Variants in DHRS13 observed in about 807,000 individuals in gnomAD.
DHRS13 encodes the protein dehydrogenase/reductase 13, also known as dehydrogenase/reductase SDR family member 13.
Under a neutral mutation model 17.9 loss-of-function variants are expected in DHRS13, and 22 were observed. The observed-to-expected ratio is 1.23, with a 90% CI of 0.88 to 1.75. The LOEUF (loss-of-function observed/expected upper bound fraction) is 1.75, where lower values mean the gene tolerates loss of function less well. Among genes scored for constraint, DHRS13 ranks in the 40% most tolerant of loss-of-function variants. The pLI, the probability that DHRS13 is intolerant of heterozygous loss-of-function variation, is 0.00. For missense variants in DHRS13, 483 were observed against 519.9 expected (o/e 0.93, Z 0.69); for synonymous variants, 206 against 220.4 (o/e 0.93, Z 0.58).
Position 28,898,808 on chromosome 17 carries a change from C to G in DHRS13, c.767G>C (p.Arg256Pro). ...TGTCTGGGCACCCCCTCTTGGTGCC[C>G]GGAGCACCAGCCAAGCCAATGGGCG... ...LLRPLAWLVL[R>P]APRGGAQTPL... Residue 256 changes from arginine to proline, a missense_variant, in exon 5 of 5, where the codon CGG becomes CCG. Transcript: ENST00000378895. The G allele has an allele frequency of 6.2e-7, 1 of 1,609,210 alleles. No homozygotes were observed. The highest frequency in any genetic ancestry group is 8.5e-7 in the Non-Finnish European group (1 of 1,178,192).
Position 28,900,154 on chromosome 17 carries a change from G to T in DHRS13, c.682+836C>A, listed in dbSNP as rs184959072. Among the ~76,000 whole-genome samples, 106 of 152,088 alleles carry T rather than the reference G, an allele frequency of 7.0e-4. No individual in the cohort carries two copies. In the East Asian group the frequency reaches 0.016, roughly 23 times the overall value. On this transcript the variant is annotated intron_variant, in intron 4 of 4. Coordinates refer to ENST00000378895, the MANE Select transcript of DHRS13 (RefSeq NM_144683.4). The stretch of plus-strand genomic sequence containing the variant: ...GTCTCGAACTCCTGACCTTGTGATT[G>T]CCCGCCTCGGCCTCCCAAAATGCTG...
chr17:28,901,425 C>A lies in DHRS13; in HGVS notation c.370+68G>T. ...TGTCCACTGGCCCCAGCAGGGCCCC[C>A]GCTGGAGGGGGCAGTTGCCCCTGGC... is the stretch of plus-strand genomic sequence containing the variant. On this transcript the variant is annotated intron_variant, in intron 3 of 4. Coordinates refer to ENST00000378895, the MANE Select transcript of DHRS13 (RefSeq NM_144683.4). The surrounding 1 kb of genome is among the most constrained non-coding windows in gnomAD (Gnocchi z 4.3). 1 of 1,607,078 alleles carries A rather than the reference C, an allele frequency of 6.2e-7. No individual in the cohort carries two copies. Among genetic ancestry groups the A allele is most frequent in the East Asian group, 2.2e-5 (1 of 44,708 alleles).
chr17:28,898,830 G>A lies in DHRS13; in HGVS notation c.745C>T (p.Pro249Ser). Residue 249 changes from proline to serine, a missense_variant, in exon 5 of 5, where the codon CCA (proline) becomes TCA (serine). Coordinates refer to ENST00000378895, the MANE Select transcript of DHRS13 (RefSeq NM_144683.4). ...GCCCGGAGCACCAGCCAAGCCAATGGGCGCAAAAGTGGGCGCAGCCATCCA... is the reference window on the plus strand; with the variant it reads ...GCCCGGAGCACCAGCCAAGCCAATGAGCGCAAAAGTGGGCGCAGCCATCCA... ...VPGWLRPLLR[P>S]LAWLVLRAPR... 6.2e-7 allele frequency: 1 copy of A among 1,609,144 alleles called. No individual in the cohort carries two copies. Among genetic ancestry groups the A allele is most frequent in the South Asian group, 1.1e-5 (1 of 90,290 alleles).
chr17:28,898,904 A>G lies in DHRS13; in HGVS notation c.683-12T>C. 6.4e-7 allele frequency: 1 copy of G among 1,558,706 alleles called. No individual in the cohort carries two copies. On this transcript the variant is annotated splice_polypyrimidine_tract_variant and intron_variant, in intron 4 of 4. Coordinates refer to ENST00000378895, the MANE Select transcript of DHRS13 (RefSeq NM_144683.4). ...CGAGTTCACAGGCCCTGTAGGCAGG[A>G]AGAAAGAAAGGAGTCGGGCTAGGCA...
chr17:28,902,611 C>A lies in DHRS13; in HGVS notation c.218G>T (p.Gly73Val). ...VVLACRSQERGEAAAFDLRQE... is the reference protein window; with the variant it reads ...VVLACRSQERVEAAAFDLRQE... ...GCGGAGGTCGAAGGCAGCCGCCTCC[C>A]CGCGCTCCTGGCTGCGGCAGGCCAG... Residue 73 changes from glycine (G) to valine (V), a missense_variant, in exon 2 of 5, where the codon GGG becomes GTG. By Grantham distance (109) the Gly-to-Val change is moderately radical. Transcript: ENST00000378895. The surrounding 1 kb of genome is among the most constrained non-coding windows in gnomAD (Gnocchi z 4.0). 1 of 1,476,612 alleles carries A rather than the reference C, an allele frequency of 6.8e-7. No homozygotes were observed. Among genetic ancestry groups the A allele is most frequent in the South Asian group, 1.3e-5 (1 of 78,086 alleles). 91.5% of individuals were successfully genotyped at this position (1,476,612 alleles called of 1,614,324 possible).
chr17:28,900,076 G>T (rs1316373063), intron 4 of DHRS13, among the ~76,000 whole-genome samples: 1 of 152,076 alleles, frequency 6.6e-6, no homozygotes, highest in Admixed American at 6.6e-5. Context: ...ACCACACCTG[G>T]CTAATTTTTG....
In DHRS13 at chr17:28,902,685, G is replaced by C. The variant is rs1341212124; in HGVS notation, c.144C>G (p.Ile48Met). Residue 48 changes from isoleucine (I) to methionine (M), a missense_variant, in exon 2 of 5, where the codon ATC becomes ATG. By Grantham distance (10) the Ile-to-Met change is conservative (BLOSUM62 1). Coordinates refer to ENST00000378895, the MANE Select transcript of DHRS13 (RefSeq NM_144683.4). This position sits in a 1 kb window ranked among gnomAD's most constrained non-coding sequence, Gnocchi z 4.0. ...CCAGCTCCAGCGCCGTCATCTTTCCGATGCCGCTGTTGGCGCCTGCGGACC... is the reference window on the plus strand; with the variant it reads ...CCAGCTCCAGCGCCGTCATCTTTCCCATGCCGCTGTTGGCGCCTGCGGACC... ...TAVVTGANSG[I>M]GKMTALELAR... 1.4e-6 allele frequency: 2 copies of C among 1,387,724 alleles called. No homozygotes were observed. The highest frequency in any genetic ancestry group is 3.1e-5 in the East Asian group (1 of 32,444). 86.0% of individuals were successfully genotyped at this position (1,387,724 alleles called of 1,614,324 possible). A position where few individuals can be genotyped will look rare whatever the true frequency, so the allele number is the denominator to read the frequency against.
chr17:28,901,114 T>C lies in DHRS13; in HGVS notation c.558A>G (p.Pro186=), dbSNP rs1598109100. ...GCAGCTCCTGCCGCCAGCCCACCAC[T>C]GGGCGGTCCAGGCGTTTGAAGTCAA... The part of the protein sequence containing the change: ...GRLDFKRLDR[P]VVGWRQELRA... The change falls in exon 4 of 5, where the codon CCA becomes CCG. Residue 186 remains proline (P), a synonymous_variant. Transcript: ENST00000378895. This position sits in a 1 kb window ranked among gnomAD's most constrained non-coding sequence, Gnocchi z 4.3. 2 of 1,614,106 alleles carry C rather than the reference T, an allele frequency of 1.2e-6. No homozygotes were observed. Among genetic ancestry groups the C allele is most frequent in the Admixed American group, 1.7e-5 (1 of 60,020 alleles).
chr17:28,902,604 C>A lies in DHRS13; in HGVS notation c.225G>T (p.Ala75=). 1.4e-6 allele frequency: 2 copies of A among 1,476,186 alleles called. No individual in the cohort carries two copies. Among genetic ancestry groups the A allele is most frequent in the Non-Finnish European group, 1.8e-6 (2 of 1,122,094 alleles). 91.4% of individuals were successfully genotyped at this position (1,476,186 alleles called of 1,614,324 possible). Residue 75 remains alanine, a synonymous_variant, in exon 2 of 5, where the codon GCG becomes GCT. Coordinates refer to ENST00000378895, the MANE Select transcript of DHRS13 (RefSeq NM_144683.4). This position sits in a 1 kb window ranked among gnomAD's most constrained non-coding sequence, Gnocchi z 4.0. Reference sequence around the variant, plus strand: ...TCACCTGGCGGAGGTCGAAGGCAGCCGCCTCCCCGCGCTCCTGGCTGCGGC... The same window carrying A: ...TCACCTGGCGGAGGTCGAAGGCAGCAGCCTCCCCGCGCTCCTGGCTGCGGC... The part of the protein sequence containing the change: ...LACRSQERGE[A]AAFDLRQESG...
At position 28,901,578 on chromosome 17, in the gene DHRS13, G is replaced by C. The variant is rs2039805872; in HGVS notation, c.285C>G (p.Asp95Glu). ...CCCGCACCGAGGCCAGACTGGCCAA[G>C]TCCAAGGCCATGAAGATGACCTCAT... is the stretch of plus-strand genomic sequence containing the variant. ...GNNEVIFMAL[D>E]LASLASVRAF... The change falls in exon 3 of 5, where the codon GAC (aspartate) becomes GAG (glutamate). Residue 95 changes from aspartate to glutamate, a missense_variant. Physicochemically the swap from Asp to Glu is conservative, Grantham distance 45. Transcript: ENST00000378895. The surrounding 1 kb of genome is among the most constrained non-coding windows in gnomAD (Gnocchi z 4.3). 1 of 1,614,120 alleles carries C rather than the reference G, an allele frequency of 6.2e-7. No homozygotes were observed. The highest frequency in any genetic ancestry group is 1.3e-5 in the African/African-American group (1 of 74,948).
Position 28,901,504 on chromosome 17 carries a change from A to T in DHRS13, c.359T>A (p.Ile120Asn). 5 of 1,613,934 alleles carry T rather than the reference A, an allele frequency of 3.1e-6. No individual in the cohort carries two copies. The highest frequency in any genetic ancestry group is 4.2e-6 in the Non-Finnish European group (5 of 1,179,952). Residue 120 changes from isoleucine (I) to asparagine (N), a missense_variant, in exon 3 of 5, where the codon ATC becomes AAC. By Grantham distance (149) the Ile-to-Asn change is moderately radical. Transcript: ENST00000378895. The surrounding 1 kb of genome is among the most constrained non-coding windows in gnomAD (Gnocchi z 4.3). The part of the protein sequence containing the change: ...LSSEPRLDIL[I>N]HNAGISSCGR... ...CTGCTGCCCCTCACCGGCATTGTGG[A>T]TGAGGATGTCCAACCGTGGCTCAGA...
chr17:28,898,205 A>G lies in DHRS13; in HGVS notation c.*236T>C. 1.9e-6 allele frequency: 1 copy of G among 534,410 alleles called. No homozygotes were observed. 33.1% of individuals were successfully genotyped at this position (534,410 alleles called of 1,614,324 possible). Reference sequence around the variant, plus strand: ...TACTACATCCAAATTTCCGAGAAGCACAGTGTCTAGCATACCCCTATCTCT... The same window carrying G: ...TACTACATCCAAATTTCCGAGAAGCGCAGTGTCTAGCATACCCCTATCTCT... On this transcript the variant is annotated 3_prime_UTR_variant, in exon 5 of 5. Transcript: ENST00000378895.
At chr17:28,900,735 A>G (rs1212483674) in intron 4 of DHRS13, among the ~76,000 whole-genome samples, 2 of 152,186 alleles carry the variant, frequency 1.3e-5, no homozygotes, top group Admixed American at 1.3e-4. Context: ...GTGGGAATCC[A>G]GGTCTTATTC....
chr17:28,900,249 G>A (rs543461464), intron 4 of DHRS13, among the ~76,000 whole-genome samples: 45 of 152,152 alleles, frequency 3.0e-4, no homozygotes, highest in Middle Eastern at 3.4e-3. Flanking sequence ...GGTTGGTCTC[G>A]AACTCCTGAC....
Position 28,898,556 on chromosome 17 carries a change from T to TG in DHRS13, c.1018dup (p.His340ProfsTer3), listed in dbSNP as rs751737771. On this transcript the variant is annotated frameshift_variant, in exon 5 of 5. Coordinates refer to ENST00000378895, the MANE Select transcript of DHRS13 (RefSeq NM_144683.4). LOFTEE classifies it low-confidence loss of function (END_TRUNC). The stretch of plus-strand genomic sequence containing the variant: ...TTGAGAAACTGTGGGCTCCTCAGGG[T>TG]GGGGGGTGCTTAGAGAAGATGGGGC... 63 of 1,611,758 alleles carry TG rather than the reference T, an allele frequency of 3.9e-5. No homozygotes were observed. In the East Asian group the frequency reaches 1.3e-3, roughly 34 times the overall value.
chr17:28,901,199 T>C lies in DHRS13; in HGVS notation c.473A>G (p.Lys158Arg). 2 of 1,614,160 alleles carry C rather than the reference T, an allele frequency of 1.2e-6. No individual in the cohort carries two copies. The highest frequency in any genetic ancestry group is 1.7e-6 in the Non-Finnish European group (2 of 1,180,016). ...CACCACGCGGCTAGGGGCACATGCC[T>C]TCAGGCAAGGCAGCAGCAGATGTGT... Reference protein sequence around the residue: ...LLTHLLLPCLKACAPSRVVVV... With the variant: ...LLTHLLLPCLRACAPSRVVVV... Residue 158 changes from lysine (K) to arginine (R), a missense_variant, in exon 4 of 5, where the codon AAG becomes AGG. By Grantham distance (26) the Lys-to-Arg change is conservative (BLOSUM62 2). Coordinates refer to ENST00000378895, the MANE Select transcript of DHRS13 (RefSeq NM_144683.4). The surrounding 1 kb of genome is among the most constrained non-coding windows in gnomAD (Gnocchi z 4.3).
In DHRS13 at chr17:28,901,972, C is replaced by T. The variant is rs2039809416; in HGVS notation, c.247-356G>A. ...CTATTATTATTATCACCTCCTTTCC[C>T]CATTACCATTTACCCTAAAATCTGT... On this transcript the variant is annotated intron_variant, in intron 2 of 4. Transcript: ENST00000378895. The surrounding 1 kb of genome is among the most constrained non-coding windows in gnomAD (Gnocchi z 4.3). The T allele has an allele frequency of 4.9e-6, 1 of 203,366 alleles. No homozygotes were observed. Among genetic ancestry groups the T allele is most frequent in the African/African-American group, 2.3e-5 (1 of 42,666 alleles). The allele number at this position is 203,366 out of a possible 1,614,324, so 12.6% of individuals were successfully genotyped here. A position where few individuals can be genotyped will look rare whatever the true frequency, so the allele number is the denominator to read the frequency against.
At position 28,898,588 on chromosome 17, in the gene DHRS13, G is replaced by A; in HGVS notation, c.987C>T (p.Asp329=). The A allele has an allele frequency of 1.9e-6, 3 of 1,612,778 alleles. No homozygotes were observed. The highest frequency in any genetic ancestry group is 1.1e-5 in the South Asian group (1 of 90,922). Residue 329 remains aspartate, a synonymous_variant, in exon 5 of 5, where the codon GAC becomes GAT. Transcript: ENST00000378895. ...TGCTTAGAGAAGATGGGGCCTCTGA[G>A]TCCTCAGACTGGGGGTCTTCATCGG... ...AEPDEDPQSE[D]SEAPSSLSTP... is the part of the protein sequence containing the mutation.
Position 28,901,471 on chromosome 17 carries a change from C to T in DHRS13, c.370+22G>A, listed in dbSNP as rs376093533. The T allele has an allele frequency of 9.3e-6, 15 of 1,613,164 alleles. No individual in the cohort carries two copies. The highest frequency in any genetic ancestry group is 1.8e-4 in the Middle Eastern group (1 of 5,694). On this transcript the variant is annotated intron_variant, in intron 3 of 4. Transcript: ENST00000378895. This position sits in a 1 kb window ranked among gnomAD's most constrained non-coding sequence, Gnocchi z 4.3. ...CTGGCCACCCGCCACCCCACCCCCA[C>T]GCAGGGCCTGCTGCCCCTCACCGGC...
Sources: gnomAD v4.1 joint callset for allele counts (sites outside exome capture counted in the v4.1 genomes callset) on GRCh38, gnomAD v4.1.1 for gene constraint, Gnocchi (gnomAD v3.1) non-coding constraint, MANE v1.5 for transcripts, NCBI Gene and HGNC (gene_info 2026-07-23, HGNC 2026-07-21) for gene names.